Variants in PTPRD observed in about 807,000 individuals in gnomAD.
PTPRD encodes the protein protein tyrosine phosphatase receptor type D.
A neutral mutation model predicts 214.5 loss-of-function variants in PTPRD; 34 were observed. The ratio of observed to expected loss-of-function variants is 0.16; its 90% CI spans 0.12 to 0.21. The LOEUF is 0.21. Ranked by LOEUF, PTPRD falls within the 10% of genes least tolerant of loss-of-function variation. The pLI, the probability that PTPRD is intolerant of heterozygous loss-of-function variation, is 1.00. For synonymous variants in PTPRD, 1,128 were observed against 845.7 expected (o/e 1.33, Z -5.79); for missense variants, 2,545 against 2,398.7 (o/e 1.06, Z -1.27).
chr9:9,067,242 G>GACAA (rs1263569728), intron 10 of PTPRD, among the ~76,000 whole-genome samples: 1 of 151,988 alleles, frequency 6.6e-6, no homozygotes, highest in Non-Finnish European at 1.5e-5. Context: ...AAAACAAACA[G>GACAA]ACAAACAAAC....
chr9:8,490,429 G>C (rs941639631), intron 27 of PTPRD, among the ~76,000 whole-genome samples: 22 of 152,092 alleles, frequency 1.4e-4, no homozygotes, highest in African/African-American at 5.1e-4. Flanking sequence ...ATTTAAACTA[G>C]TACCAACGCA....
intron 5 of PTPRD, among the ~76,000 whole-genome samples, chr9:9,779,895 C>A (rs117990895): frequency 0.051 from 7,714 of 152,250 alleles, 270 homozygotes; most frequent in Non-Finnish European, 0.077. Context: ...ACCCAGCAAT[C>A]CCATTACTGG....
At chr9:10,317,705 A>C (rs2096468129) in intron 3 of PTPRD, among the ~76,000 whole-genome samples, 1 of 152,004 alleles carries the variant, frequency 6.6e-6, no homozygotes, top group African/African-American at 2.4e-5. Context: ...ATTTAAAATT[A>C]ATAAACAGAT....
intron 10 of PTPRD, among the ~76,000 whole-genome samples, chr9:9,130,878 A>G (rs905308099): frequency 5.3e-5 from 8 of 152,198 alleles, no homozygotes; most frequent in African/African-American, 1.9e-4. Flanking sequence ...AAAATTACTT[A>G]CGAATCAAAT....
intron 3 of PTPRD, among the ~76,000 whole-genome samples, chr9:10,224,458 AG>A (rs2099582123): frequency 6.6e-6 from 1 of 152,004 alleles, no homozygotes; most frequent in African/African-American, 2.4e-5. Flanking sequence ...CTTAAATGGT[AG>A]AAAAAATGTT....
chr9:10,438,222 G>A (rs990739592), intron 2 of PTPRD, among the ~76,000 whole-genome samples: 2 of 151,318 alleles, frequency 1.3e-5, no homozygotes, highest in African/African-American at 4.9e-5. Flanking sequence ...TGCCTATACA[G>A]ATAGTCTCCA....
At chr9:9,192,670 A>G (rs2099935965) in intron 9 of PTPRD, among the ~76,000 whole-genome samples, 3 of 152,102 alleles carry the variant, frequency 2.0e-5, no homozygotes, top group Admixed American at 6.6e-5. Flanking sequence ...GCACCACTTA[A>G]TATGAAAGAC....
chr9:10,054,362 G>T (rs2097584077), intron 3 of PTPRD, among the ~76,000 whole-genome samples: 1 of 152,110 alleles, frequency 6.6e-6, no homozygotes, highest in Non-Finnish European at 1.5e-5. Flanking sequence ...AAATTTGCAA[G>T]ATTTGTTTTT....
At chr9:8,322,498 T>C (rs1829390587) in intron 44 of PTPRD, among the ~76,000 whole-genome samples, 1 of 152,176 alleles carries the variant, frequency 6.6e-6, no homozygotes. Context: ...CAACATTCCC[T>C]TAAATCAAAG....
At chr9:9,000,853 A>C (rs1188230191) in intron 11 of PTPRD, among the ~76,000 whole-genome samples, 1 of 151,980 alleles carries the variant, frequency 6.6e-6, no homozygotes, top group African/African-American at 2.4e-5. Context: ...ACAAAAAACA[A>C]ACCACAAGAA....
At chr9:9,074,273 A>G (rs1169192711) in intron 10 of PTPRD, among the ~76,000 whole-genome samples, 2 of 152,154 alleles carry the variant, frequency 1.3e-5, no homozygotes, top group Non-Finnish European at 2.9e-5. Flanking sequence ...TGAAGTTTAC[A>G]TGAAGAATAA....
chr9:9,534,154 G>A (rs1260183603), intron 8 of PTPRD, among the ~76,000 whole-genome samples: 2 of 151,950 alleles, frequency 1.3e-5, no homozygotes, highest in African/African-American at 2.4e-5. Flanking sequence ...TGCTATATTC[G>A]TTGTTTTGTC....
Position 9,625,866 on chromosome 9 carries a change from G to C in PTPRD, c.-286-51085C>G, listed in dbSNP as rs189702209. 3.8e-3 allele frequency among the ~76,000 whole-genome samples: 579 copies of C among 152,262 alleles called. 4 individuals are homozygous for C. The highest frequency in any genetic ancestry group is 0.013 in the African/African-American group (560 of 41,560). On this transcript the variant is annotated intron_variant, in intron 7 of 45. Transcript: ENST00000381196. ...TGTTTAGGGAACCAGCTCTCTGGTA[G>C]ACATTGGTAGAGGTTTTTCTCTAGA... is the stretch of plus-strand genomic sequence containing the variant.
At chr9:10,123,123 G>A (rs1185402441) in intron 3 of PTPRD, among the ~76,000 whole-genome samples, 7 of 152,286 alleles carry the variant, frequency 4.6e-5, no homozygotes, top group African/African-American at 7.2e-5. Flanking sequence ...GCAAAGGCAC[G>A]TCCCACAGGA....
At chr9:8,591,677 A>G (rs2094118040) in intron 14 of PTPRD, among the ~76,000 whole-genome samples, 2 of 152,186 alleles carry the variant, frequency 1.3e-5, no homozygotes, top group Admixed American at 1.3e-4. Flanking sequence ...TGGCTAAATT[A>G]CCAAGTCTGA....
At chr9:10,453,929 G>C (rs1348105853) in intron 2 of PTPRD, among the ~76,000 whole-genome samples, 2 of 151,512 alleles carry the variant, frequency 1.3e-5, no homozygotes, top group South Asian at 4.2e-4. Context: ...GTCAGCTGTA[G>C]GCTTGTCATA....
At chr9:8,903,612 T>C (rs1189070020) in intron 11 of PTPRD, among the ~76,000 whole-genome samples, 2 of 152,194 alleles carry the variant, frequency 1.3e-5, no homozygotes, top group Non-Finnish European at 2.9e-5. Context: ...CCCCAAACTA[T>C]TTTGTAAACC....
At chr9:9,604,817 G>T (rs1279875327) in intron 7 of PTPRD, among the ~76,000 whole-genome samples, 4 of 151,618 alleles carry the variant, frequency 2.6e-5, no homozygotes, top group African/African-American at 9.7e-5. Flanking sequence ...CCATTCTTCA[G>T]TGTACTACCA....
chr9:9,535,356 A>T (rs1021161837), intron 8 of PTPRD, among the ~76,000 whole-genome samples: 2 of 152,246 alleles, frequency 1.3e-5, no homozygotes, highest in Admixed American at 6.5e-5. Context: ...AACTTGATCA[A>T]GTGCTCTGAA....
Sources: gnomAD v4.1 joint callset for allele counts (sites outside exome capture counted in the v4.1 genomes callset) on GRCh38, gnomAD v4.1.1 for gene constraint, MANE v1.5 for transcripts, NCBI Gene and HGNC (gene_info 2026-07-23, HGNC 2026-07-21) for gene names.